The following EDNRA variants were observed in gnomAD, a reference collection of about 807,000 sequenced individuals.
EDNRA encodes endothelin-1 receptor.
EDNRA carries 11 observed loss-of-function variants against 41.4 expected under a neutral mutation model. The observed-to-expected ratio is 0.27, with a 90% CI of 0.17 to 0.44. The LOEUF is 0.44. EDNRA is among the 20% of genes least tolerant of loss of function. The pLI, the probability that EDNRA is intolerant of heterozygous loss-of-function variation, is 1.00. For synonymous variants in EDNRA, 172 were observed against 183.0 expected, an observed-to-expected ratio of 0.94 and a Z score of 0.49; for missense variants, 294 against 531.0, an observed-to-expected ratio of 0.55 and a Z score of 4.39.
At chr4:147,505,212 AAAAAG>A (rs949615759) in intron 2 of EDNRA, among the ~76,000 whole-genome samples, 2 of 122,856 alleles carry the variant, frequency 1.6e-5, no homozygotes, top group African/African-American at 7.7e-5. Flanking sequence ...TAAAAAAAAA[AAAAAG>A]AGAGAGAGAG....
intron 2 of EDNRA, among the ~76,000 whole-genome samples, chr4:147,512,570 T>C (rs181921376): frequency 2.0e-5 from 3 of 152,358 alleles, no homozygotes; most frequent in Non-Finnish European, 2.9e-5. Context: ...CTAACATTTA[T>C]GATTTGCTAT....
At chr4:147,533,985 A>G (rs753712191) in intron 4 of EDNRA, among the ~76,000 whole-genome samples, 4 of 152,064 alleles carry the variant, frequency 2.6e-5, no homozygotes, top group Non-Finnish European at 5.9e-5. Flanking sequence ...CTTTTTCTAA[A>G]TTTATTTCCC....
chr4:147,529,870 T>C (rs943989129), intron 3 of EDNRA, among the ~76,000 whole-genome samples: 17 of 152,198 alleles, frequency 1.1e-4, no homozygotes, highest in African/African-American at 3.9e-4. Flanking sequence ...TTGTTCCTAA[T>C]TGTTCTTATG....
chr4:147,512,158 GTAAAAGCC>G (rs1286720036), intron 2 of EDNRA, among the ~76,000 whole-genome samples: 1 of 152,182 alleles, frequency 6.6e-6, no homozygotes, highest in Non-Finnish European at 1.5e-5. Flanking sequence ...TACAAAATAA[GTAAAAGCC>G]TCAAGTCCCT....
chr4:147,520,133 G>A (rs1178047617), intron 3 of EDNRA, among the ~76,000 whole-genome samples, 155 bp downstream of exon 3: 2 of 152,164 alleles, frequency 1.3e-5, no homozygotes, highest in Non-Finnish European at 2.9e-5. Flanking sequence ...GTTTAGAATT[G>A]CCTTCCACAT....
chr4:147,532,665 TA>T lies in EDNRA; in HGVS notation c.712del (p.Thr238ProfsTer17). 6.2e-7 allele frequency: 1 copy of T among 1,614,144 alleles called. No homozygotes were observed. Among genetic ancestry groups the T allele is most frequent in the African/African-American group, 1.3e-5 (1 of 75,024 alleles). ...VPFEYRGEQH[K>X]TCMLNATSKF... ...CCTTTGAATATAGGGGTGAACAGCA[TA>T]AAACCTGTATGCTCAATGCCACATC... On this transcript the variant is annotated frameshift_variant, in exon 4 of 8. Transcript: ENST00000651419. LOFTEE classifies it high-confidence loss of function.
intron 3 of EDNRA, among the ~76,000 whole-genome samples, chr4:147,525,617 A>G: frequency 7.0e-6 from 1 of 142,480 alleles, no homozygotes; most frequent in East Asian, 2.0e-4. Flanking sequence ...AAGCAGCAGC[A>G]GGAGAGGGGT....
chr4:147,523,863 T>C (rs1265465932), intron 3 of EDNRA, among the ~76,000 whole-genome samples: 2 of 152,104 alleles, frequency 1.3e-5, no homozygotes, highest in Non-Finnish European at 1.5e-5. Context: ...GAGAGGAAAG[T>C]ATGAAGAGGC....
intron 2 of EDNRA, chr4:147,496,115 T>C (rs1469745846): frequency 6.6e-6 from 1 of 152,206 alleles, no homozygotes; most frequent in Non-Finnish European, 1.5e-5. Context: ...TGGATACACG[T>C]TTCTTAACAA....
chr4:147,506,372 C>A (rs1729717363), intron 2 of EDNRA: 2 of 414,212 alleles, frequency 4.8e-6, no homozygotes, highest in South Asian at 2.0e-5. Context: ...GAACTGAATG[C>A]CAACAGACTG....
chr4:147,520,139 C>T (rs114895940), intron 3 of EDNRA, among the ~76,000 whole-genome samples, 161 bp downstream of exon 3: 31 of 152,272 alleles, frequency 2.0e-4, no homozygotes, highest in Admixed American at 7.8e-4. Flanking sequence ...AATTGCCTTC[C>T]ACATTTGCTG....
intron 3 of EDNRA, among the ~76,000 whole-genome samples, chr4:147,528,431 C>T (rs1311064546): frequency 1.4e-5 from 2 of 147,514 alleles, no homozygotes; most frequent in South Asian, 2.1e-4. Context: ...GATCAGGGAT[C>T]GCTGCAGGCT....
chr4:147,503,493 G>A (rs1458916150), intron 2 of EDNRA, among the ~76,000 whole-genome samples: 1 of 152,038 alleles, frequency 6.6e-6, no homozygotes, highest in Non-Finnish European at 1.5e-5. Flanking sequence ...CCTCTGTATT[G>A]AACCATACTG....
At position 147,543,769 on chromosome 4, in the gene EDNRA, C is replaced by T. The variant is rs201441258; in HGVS notation, c.*1151C>T. 6.6e-6 allele frequency: 1 copy of T among 152,464 alleles called. No homozygotes were observed. The highest frequency in any genetic ancestry group is 2.4e-5 in the African/African-American group (1 of 41,376). 9.4% of individuals were successfully genotyped at this position (152,464 alleles called of 1,614,324 possible). ...TATAGGAAACATAATTTTGAAGTGG[C>T]CAGATGAGTTTATCATGTCAGTGAA... On this transcript the variant is annotated 3_prime_UTR_variant, in exon 8 of 8. Coordinates refer to ENST00000651419, the MANE Select transcript of EDNRA (RefSeq NM_001957.4).
chr4:147,529,331 G>A (rs1260803224), intron 3 of EDNRA, among the ~76,000 whole-genome samples: 1 of 152,108 alleles, frequency 6.6e-6, no homozygotes, highest in Non-Finnish European at 1.5e-5. Context: ...TAAAGGTGAG[G>A]CACCAGGCTA....
At chr4:147,529,895 A>T (rs1036699651) in intron 3 of EDNRA, among the ~76,000 whole-genome samples, 1 of 152,208 alleles carries the variant, frequency 6.6e-6, no homozygotes, top group Non-Finnish European at 1.5e-5. Context: ...TTTTCCCCTT[A>T]TCTCATGGAG....
intron 4 of EDNRA, among the ~76,000 whole-genome samples, chr4:147,533,335 G>A (rs1410748392): frequency 6.6e-6 from 1 of 152,130 alleles, no homozygotes; most frequent in Non-Finnish European, 1.5e-5. Flanking sequence ...TTTCTGAAAA[G>A]CTTAATCACA....
intron 2 of EDNRA, among the ~76,000 whole-genome samples, chr4:147,512,791 G>T (rs1729971833): frequency 6.6e-6 from 1 of 152,180 alleles, no homozygotes. Context: ...AGATTGCTTA[G>T]AGCTTCTTGA....
chr4:147,489,241 C>T (rs1316237739), intron 2 of EDNRA: 3 of 152,000 alleles, frequency 2.0e-5, no homozygotes, highest in Non-Finnish European at 4.4e-5. Flanking sequence ...GAAGTCAAGG[C>T]TTTTAGGGTA....
Sources: gnomAD v4.1 joint callset for allele counts (sites outside exome capture counted in the v4.1 genomes callset) on GRCh38, gnomAD v4.1.1 for gene constraint, MANE v1.5 for transcripts, NCBI Gene and HGNC (gene_info 2026-07-23, HGNC 2026-07-21) for gene names.